Variants in DNAH9 observed in about 807,000 individuals in gnomAD.
DNAH9 encodes DNAH9 variant protein.
In DNAH9, 345 loss-of-function variants were observed where a neutral mutation model predicts 471.6. The observed-to-expected ratio is 0.73, with a 90% CI of 0.67 to 0.80. DNAH9 has a LOEUF of 0.80. Ranked by LOEUF, DNAH9 falls within the 30% of genes least tolerant of loss-of-function variation. The pLI, the probability that DNAH9 is intolerant of heterozygous loss-of-function variation, is 0.00. For missense variants in DNAH9, 5,407 were observed against 5,609.2 expected (o/e 0.96, Z 1.15); for synonymous variants, 2,093 against 2,123.6 (o/e 0.99, Z 0.40).
intron 38 of DNAH9, among the ~76,000 whole-genome samples, chr17:11,775,730 A>C (rs755852251): frequency 5.2e-4 from 76 of 147,180 alleles, no homozygotes; most frequent in Admixed American, 9.2e-4. Context: ...TCAGCCTCCC[A>C]AGTAGCTGGG....
At position 11,797,792 on chromosome 17, in the gene DNAH9, G is replaced by A. The variant is rs762211534; in HGVS notation, c.8419G>A (p.Val2807Ile). 9 of 1,612,228 alleles carry A rather than the reference G, an allele frequency of 5.6e-6. 1 individual carries two copies. Among genetic ancestry groups the A allele is most frequent in the Middle Eastern group, 1.7e-4 (1 of 6,036 alleles). The change falls in exon 43 of 69, where the codon GTC becomes ATC. Residue 2807 changes from valine (V) to isoleucine (I), a missense_variant and splice_region_variant. By Grantham distance (29) the Val-to-Ile change is conservative. Around this residue, in one of 3 missense-constraint regions of DNAH9, gnomAD observed 4,636 missense variants for 4,900.3 expected, o/e 0.95. Coordinates refer to ENST00000262442, the MANE Select transcript of DNAH9 (RefSeq NM_001372.4). ...LVLFEDAMRHVCHINRILESP... is the reference protein window; with the variant it reads ...LVLFEDAMRHICHINRILESP... ...TCTCTTTGAGGATGCCATGCGCCAT[G>A]TGTAAGTGTGCTTCTCCTCTTCCTT...
At chr17:11,827,219 C>A (rs1241656820) in intron 48 of DNAH9, among the ~76,000 whole-genome samples, 2 of 152,208 alleles carry the variant, frequency 1.3e-5, no homozygotes, top group Admixed American at 6.5e-5. Flanking sequence ...CTACCTCTTG[C>A]ATCACCCACT....
At chr17:11,956,373 TAAAC>T (rs1472402551) in intron 67 of DNAH9, among the ~76,000 whole-genome samples, 2 of 151,712 alleles carry the variant, frequency 1.3e-5, no homozygotes, top group East Asian at 1.9e-4. Flanking sequence ...AAAGAAGAAA[TAAAC>T]AAATCCATAA....
chr17:11,898,307 T>G (rs1463831455), intron 59 of DNAH9, among the ~76,000 whole-genome samples: 2 of 152,158 alleles, frequency 1.3e-5, no homozygotes, highest in African/African-American at 4.8e-5. Context: ...GTATTTTTAG[T>G]AGAGATAGTT....
chr17:11,688,519 C>T (rs530356489), intron 19 of DNAH9, among the ~76,000 whole-genome samples: 1 of 152,326 alleles, frequency 6.6e-6, no homozygotes, highest in East Asian at 1.9e-4. Flanking sequence ...CACAGTGGTT[C>T]ACCAGCATGA....
chr17:11,727,022 TG>T (rs1330351479), intron 27 of DNAH9, among the ~76,000 whole-genome samples: 6 of 115,134 alleles, frequency 5.2e-5, no homozygotes, highest in Non-Finnish European at 9.7e-5. Flanking sequence ...CACTCCAGCC[TG>T]GGCAACAGAG....
At position 11,651,257 on chromosome 17, in the gene DNAH9, G is replaced by A; in HGVS notation, c.2286G>A (p.Glu762=). Residue 762 remains glutamate, a synonymous_variant, in exon 13 of 69, where the codon GAG becomes GAA. Transcript: ENST00000262442. The part of the protein sequence containing the change: ...TLLEVEFPLV[E]EELQNIDLRL... ...TGGAGGTGGAATTTCCATTAGTGGAGGAAGAGCTGCAAAATATTGATCTCC... is the reference window on the plus strand; with the variant it reads ...TGGAGGTGGAATTTCCATTAGTGGAAGAAGAGCTGCAAAATATTGATCTCC... 1.2e-6 allele frequency: 2 copies of A among 1,614,020 alleles called. No individual in the cohort carries two copies. Among genetic ancestry groups the A allele is most frequent in the Non-Finnish European group, 1.7e-6 (2 of 1,179,950 alleles).
rs764611762 is a variant in DNAH9 at position 11,807,801 on chromosome 17, C to T, written c.8490C>T (p.Gly2830=). Residue 2830 remains glycine, a synonymous_variant, in exon 44 of 69, where the codon GGC becomes GGT. Coordinates refer to ENST00000262442, the MANE Select transcript of DNAH9 (RefSeq NM_001372.4). ...NALLVGVGGS[G]KQSLTRLAAF... ...TGCTGGTTGGTGTAGGTGGGAGCGG[C>T]AAGCAGAGCCTGACAAGGCTGGCAG... is the stretch of plus-strand genomic sequence containing the variant. 3.8e-5 allele frequency: 62 copies of T among 1,613,928 alleles called. No homozygotes were observed. The highest frequency in any genetic ancestry group is 6.7e-5 in the East Asian group (3 of 44,888).
intron 8 of DNAH9, among the ~76,000 whole-genome samples, chr17:11,635,403 A>G (rs1307856238): frequency 1.4e-5 from 2 of 139,812 alleles, no homozygotes; most frequent in African/African-American, 5.3e-5. Context: ...CTGGTCTTGA[A>G]CTCCTGGCCT....
rs948110961 is a variant in DNAH9, at chr17:11,652,685, G to A, written c.2354-76G>A. ...TAACACTCGCAAGTATTAAATCCCT[G>A]TCTTTCATAGCAACTAGCCCTTTAG... is the stretch of plus-strand genomic sequence containing the variant. On this transcript the variant is annotated intron_variant, in intron 13 of 68. Transcript: ENST00000262442. 5 of 1,384,740 alleles carry A rather than the reference G, an allele frequency of 3.6e-6. No homozygotes were observed. In the African/African-American group the frequency reaches 5.8e-5, roughly 16 times the overall value. The allele number at this position is 1,384,740 out of a possible 1,614,324, so 85.8% of individuals were successfully genotyped here. A position where few individuals can be genotyped will look rare whatever the true frequency, so the allele number is the denominator to read the frequency against.
intron 42 of DNAH9, among the ~76,000 whole-genome samples, chr17:11,794,605 A>G (rs1238610531): frequency 1.3e-5 from 2 of 152,092 alleles, no homozygotes; most frequent in African/African-American, 2.4e-5. Context: ...CATCCTCCTG[A>G]TTGCTCTCTC....
At chr17:11,879,613 T>C (rs1972634818) in intron 53 of DNAH9, among the ~76,000 whole-genome samples, 1 of 152,146 alleles carries the variant, frequency 6.6e-6, no homozygotes, top group Non-Finnish European at 1.5e-5. Context: ...ACCTAAATCT[T>C]TGTTAATTGA....
chr17:11,875,879 A>C (rs1307605996), intron 53 of DNAH9: 1 of 152,178 alleles, frequency 6.6e-6, no homozygotes, highest in Non-Finnish European at 1.5e-5. Context: ...TCATCAGGAC[A>C]CCTGGGGAAA....
At chr17:11,669,003 C>A in intron 15 of DNAH9, 61 bp from the exon 16 acceptor site, 3 of 1,198,280 alleles carry the variant, frequency 2.5e-6, no homozygotes, top group Non-Finnish European at 3.6e-6. Flanking sequence ...TTAAAACAGT[C>A]CTCTACTTTG....
At position 11,754,146 on chromosome 17, in the gene DNAH9, C is replaced by A. The variant is rs997472803; in HGVS notation, c.6738+1186C>A. 1.2e-4 allele frequency among the ~76,000 whole-genome samples: 17 copies of A among 146,854 alleles called. No homozygotes were observed. In the South Asian group the frequency reaches 1.3e-3, roughly 11 times the overall value. On this transcript the variant is annotated intron_variant, in intron 33 of 68. Transcript: ENST00000262442. Reference sequence around the variant, plus strand: ...CATTCATGTTCCCAAAAAAAAAAAACAAAACATGATCTCATTATTTTTATG... The same window carrying A: ...CATTCATGTTCCCAAAAAAAAAAAAAAAAACATGATCTCATTATTTTTATG...
At chr17:11,808,530 C>G (rs575758574) in intron 44 of DNAH9, among the ~76,000 whole-genome samples, 1 of 152,268 alleles carries the variant, frequency 6.6e-6, no homozygotes, top group East Asian at 1.9e-4. Flanking sequence ...ACCCACTTGC[C>G]CTCATAATCT....
chr17:11,943,163 G>C (rs1974998777), intron 67 of DNAH9, among the ~76,000 whole-genome samples: 1 of 151,738 alleles, frequency 6.6e-6, no homozygotes, highest in African/African-American at 2.4e-5. Context: ...CAAAGTGCTG[G>C]GATTATAGGT....
intron 19 of DNAH9, among the ~76,000 whole-genome samples, chr17:11,685,897 C>T (rs755947725): frequency 1.3e-4 from 20 of 151,380 alleles, no homozygotes; most frequent in South Asian, 4.2e-4. Flanking sequence ...CTCCGTCTCC[C>T]GGGTTCAAGT....
At chr17:11,827,994 T>C (rs1311996701) in intron 48 of DNAH9, among the ~76,000 whole-genome samples, 1 of 152,136 alleles carries the variant, frequency 6.6e-6, no homozygotes, top group Non-Finnish European at 1.5e-5. Context: ...AGAAGATCAC[T>C]ATTGGCTCTG....
Sources: gnomAD v4.1 joint callset for allele counts (sites outside exome capture counted in the v4.1 genomes callset) on GRCh38, gnomAD v4.1.1 for gene constraint, gnomAD v4.1.1 regional missense constraint, MANE v1.5 for transcripts, NCBI Gene and HGNC (gene_info 2026-07-23, HGNC 2026-07-21) for gene names.